Variants in MEMO1 observed in about 807,000 individuals in gnomAD.
MEMO1 encodes the protein protein MEMO1.
In MEMO1, 6 loss-of-function variants were observed where a neutral mutation model predicts 45.2. That is an observed-to-expected ratio of 0.13 (90% confidence interval 0.07 to 0.26). The LOEUF is 0.26. Ranked by LOEUF, MEMO1 falls within the 10% of genes least tolerant of loss-of-function variation. The pLI, the probability that MEMO1 is intolerant of heterozygous loss-of-function variation, is 1.00. For missense variants in MEMO1, 184 were observed against 370.5 expected, an observed-to-expected ratio of 0.50 and a Z score of 4.13; for synonymous variants, 78 against 124.3, an observed-to-expected ratio of 0.63 and a Z score of 2.48.
Position 31,917,921 on chromosome 2 carries a change from T to C in MEMO1, c.437+5A>G, listed in dbSNP as rs1373009229. On this transcript the variant is annotated splice_donor_5th_base_variant and intron_variant, in intron 6 of 9. Transcript: ENST00000404530. ...CCTGGGGATTTCTTATATCAATCAA[T>C]ATACCTTTCCATGGCTTTAGCTGTA... 3 of 1,568,496 alleles carry C rather than the reference T, an allele frequency of 1.9e-6. No homozygotes were observed. Among genetic ancestry groups the C allele is most frequent in the South Asian group, 2.3e-5 (2 of 86,708 alleles).
Position 31,925,053 on chromosome 2 carries a change from G to C in MEMO1, c.213-4143C>G, listed in dbSNP as rs144225565. ...CCCTAGCAAATTAGCTATTACTCTT[G>C]CCCACCTTGATCATAATACCTGATG... On this transcript the variant is annotated intron_variant, in intron 4 of 9. Transcript: ENST00000404530. Among the ~76,000 whole-genome samples, 883 of 152,100 alleles carry C rather than the reference G, an allele frequency of 5.8e-3. 7 individuals are homozygous for C. The highest frequency in any genetic ancestry group is 0.01 in the Admixed American group (156 of 15,290).
chr2:31,971,678 A>G (rs904440005), intron 2 of MEMO1, among the ~76,000 whole-genome samples: 3 of 152,184 alleles, frequency 2.0e-5, no homozygotes, highest in African/African-American at 4.8e-5. Flanking sequence ...ATTTAAAGAA[A>G]TACAACTAAG....
In MEMO1 at chr2:31,919,895, C is replaced by T. The variant is rs371424637; in HGVS notation, c.325+903G>A. 8.0e-5 allele frequency among the ~76,000 whole-genome samples: 12 copies of T among 150,178 alleles called. 1 individual carries two copies. In the East Asian group the frequency reaches 9.8e-4, roughly 12 times the overall value. On this transcript the variant is annotated intron_variant, in intron 5 of 9. Coordinates refer to ENST00000404530, the MANE Select transcript of MEMO1 (RefSeq NM_001301833.4). ...GTTTATATATATACACACATATGGG[C>T]GTGTGTGTACATATATATGCATATG...
intron 2 of MEMO1, among the ~76,000 whole-genome samples, chr2:31,955,495 C>A (rs1294294323): frequency 6.6e-6 from 1 of 152,190 alleles, no homozygotes; most frequent in Non-Finnish European, 1.5e-5. Context: ...AAAACTCAGA[C>A]TCTTAGACCC....
At chr2:31,981,610 T>C (rs572037591) in intron 2 of MEMO1, among the ~76,000 whole-genome samples, 12 of 152,226 alleles carry the variant, frequency 7.9e-5, no homozygotes, top group African/African-American at 2.4e-4. Context: ...TTATTTGCCT[T>C]AACAAAATCA....
chr2:31,994,926 G>T (rs762052478), intron 2 of MEMO1, among the ~76,000 whole-genome samples: 2 of 151,454 alleles, frequency 1.3e-5, no homozygotes, highest in Non-Finnish European at 2.9e-5. Context: ...CGTGCCTTGC[G>T]GTGGGGGTGG....
chr2:31,905,725 T>C (rs1679568242), intron 6 of MEMO1, among the ~76,000 whole-genome samples: 1 of 152,224 alleles, frequency 6.6e-6, no homozygotes, highest in East Asian at 1.9e-4. Context: ...GAACTTCATA[T>C]TCTCTTCAAT....
At chr2:31,931,492 A>C (rs1392872351) in intron 4 of MEMO1, among the ~76,000 whole-genome samples, 3 of 152,156 alleles carry the variant, frequency 2.0e-5, no homozygotes, top group Non-Finnish European at 4.4e-5. Context: ...ACCTCTTGTA[A>C]GTTCACAAGT....
At chr2:31,986,007 T>C (rs889751597) in intron 2 of MEMO1, among the ~76,000 whole-genome samples, 1 of 152,142 alleles carries the variant, frequency 6.6e-6, no homozygotes, top group African/African-American at 2.4e-5. Flanking sequence ...TGTCTGTGAG[T>C]TATCTCAATA....
At chr2:31,947,117 C>T (rs996278712) in intron 2 of MEMO1, among the ~76,000 whole-genome samples, 5 of 152,128 alleles carry the variant, frequency 3.3e-5, no homozygotes, top group African/African-American at 4.8e-5. Context: ...TTAAGTAACA[C>T]GACTGTATAA....
At chr2:31,869,739 A>T in intron 9 of MEMO1, 109 bp downstream of exon 9, 6 of 1,188,022 alleles carry the variant, frequency 5.1e-6, no homozygotes, top group Non-Finnish European at 6.8e-6. Flanking sequence ...CTAAAAAGAA[A>T]CTTGACCATA....
At chr2:31,955,364 T>TA (rs1463493859) in intron 2 of MEMO1, among the ~76,000 whole-genome samples, 2 of 152,174 alleles carry the variant, frequency 1.3e-5, no homozygotes, top group African/African-American at 4.8e-5. Context: ...TAGCAATAAA[T>TA]AAACACATTA....
At chr2:31,923,986 A>G (rs927762206) in intron 4 of MEMO1, among the ~76,000 whole-genome samples, 2 of 152,150 alleles carry the variant, frequency 1.3e-5, no homozygotes, top group African/African-American at 2.4e-5. Context: ...GAATTAACCA[A>G]TTCTGTACTC....
chr2:31,920,722 A>C (rs1682200188), intron 5 of MEMO1, 76 bp downstream of exon 5: 1 of 779,662 alleles, frequency 1.3e-6, no homozygotes, highest in African/African-American at 1.8e-5. Context: ...GATATTCATA[A>C]GTTTTTAAAT....
chr2:31,896,164 C>G (rs991152360), intron 6 of MEMO1, among the ~76,000 whole-genome samples: 1 of 151,986 alleles, frequency 6.6e-6, no homozygotes, highest in Non-Finnish European at 1.5e-5. Flanking sequence ...GTGAAAGCAG[C>G]GAGAAGAAAA....
At chr2:31,962,413 A>G (rs970766272) in intron 2 of MEMO1, among the ~76,000 whole-genome samples, 8 of 151,958 alleles carry the variant, frequency 5.3e-5, no homozygotes, top group African/African-American at 1.7e-4. Context: ...GAAAAGAAAG[A>G]AGAGAGAGAG....
intron 2 of MEMO1, among the ~76,000 whole-genome samples, chr2:31,962,047 T>G (rs1245486301): frequency 6.6e-6 from 1 of 152,056 alleles, no homozygotes; most frequent in Non-Finnish European, 1.5e-5. Context: ...TAAACTCAAT[T>G]GCGTCTGTAA....
At chr2:31,940,743 T>C (rs1052508243) in intron 3 of MEMO1, among the ~76,000 whole-genome samples, 2 of 152,144 alleles carry the variant, frequency 1.3e-5, no homozygotes, top group South Asian at 4.1e-4. Flanking sequence ...TTGTTGCCCA[T>C]GCTGATCTCA....
At chr2:31,926,312 C>A (rs989038836) in intron 4 of MEMO1, among the ~76,000 whole-genome samples, 2 of 148,358 alleles carry the variant, frequency 1.3e-5, no homozygotes, top group African/African-American at 5.0e-5. Flanking sequence ...TTCAACGCTG[C>A]GTGAGCTATG....
Sources: gnomAD v4.1 joint callset for allele counts (sites outside exome capture counted in the v4.1 genomes callset) on GRCh38, gnomAD v4.1.1 for gene constraint, MANE v1.5 for transcripts, NCBI Gene and HGNC (gene_info 2026-07-23, HGNC 2026-07-21) for gene names.